Variants in UNC13C observed in about 807,000 individuals in gnomAD.
UNC13C encodes protein unc-13 homolog C.
In UNC13C, 174 loss-of-function variants were observed where a neutral mutation model predicts 245.4. The observed-to-expected ratio is 0.71, with a 90% confidence interval of 0.63 to 0.80. UNC13C has a LOEUF of 0.80. UNC13C is among the 30% of genes least tolerant of loss of function. UNC13C has a pLI of 0.00. For missense variants in UNC13C, 2,829 were observed against 2,602.9 expected, an observed-to-expected ratio of 1.09 and a Z score of -1.89; for synonymous variants, 992 against 895.1, an observed-to-expected ratio of 1.11 and a Z score of -1.93.
intron 18 of UNC13C, among the ~76,000 whole-genome samples, chr15:54,411,446 T>G (rs1168763433): frequency 6.6e-6 from 1 of 152,224 alleles, no homozygotes; most frequent in Non-Finnish European, 1.5e-5. Flanking sequence ...CTACTATGTT[T>G]TCTTTCAGAA....
chr15:54,606,096 G>A (rs1417263740), intron 30 of UNC13C, among the ~76,000 whole-genome samples: 1 of 152,134 alleles, frequency 6.6e-6, no homozygotes, highest in Non-Finnish European at 1.5e-5. Context: ...TTGGCTATTG[G>A]TTTGTTATTG....
chr15:54,015,377 G>C lies in UNC13C; in HGVS notation c.2474G>C (p.Ser825Thr), dbSNP rs141110614. The change falls in exon 2 of 33, where the codon AGT (serine) becomes ACT (threonine). Residue 825 changes from serine (S) to threonine (T), a missense_variant. By Grantham distance (58) the Ser-to-Thr change is moderately conservative. Transcript: ENST00000260323. Reference sequence around the variant, plus strand: ...CAGAGTCTGAGTGGGTATGAGGACAGTGGCTCTTCATTAATGGGGAGATTT... The same window carrying C: ...CAGAGTCTGAGTGGGTATGAGGACACTGGCTCTTCATTAATGGGGAGATTT... ...STQSLSGYED[S>T]GSSLMGRFRT... The C allele has an allele frequency of 2.9e-4, 462 of 1,613,842 alleles. 4 individuals carry two copies. In the African/African-American group the frequency reaches 5.3e-3, roughly 18 times the overall value.
intron 2 of UNC13C, among the ~76,000 whole-genome samples, chr15:54,066,606 C>T (rs1242192129): frequency 3.3e-5 from 5 of 152,124 alleles, no homozygotes; most frequent in Middle Eastern, 3.2e-3. Context: ...GAAATGGAGA[C>T]CCACTGAAGT....
intron 17 of UNC13C, among the ~76,000 whole-genome samples, chr15:54,340,382 T>A (rs1470185601): frequency 6.6e-6 from 1 of 152,228 alleles, no homozygotes; most frequent in Non-Finnish European, 1.5e-5. Flanking sequence ...AGAAGGGTTT[T>A]TCTGATGTTA....
chr15:54,455,203 C>CTATA (rs1325165940), intron 19 of UNC13C, among the ~76,000 whole-genome samples: 15 of 27,310 alleles, frequency 5.5e-4, no homozygotes, highest in Non-Finnish European at 7.5e-4. Flanking sequence ...CTCTCTCTCT[C>CTATA]TCTATATATA....
chr15:54,203,945 C>A (rs943848801), intron 4 of UNC13C, among the ~76,000 whole-genome samples: 1 of 143,174 alleles, frequency 7.0e-6, no homozygotes, highest in African/African-American at 2.5e-5. Flanking sequence ...CACACACACA[C>A]AATGGAATGC....
chr15:54,084,962 G>C (rs1242112985), intron 2 of UNC13C, among the ~76,000 whole-genome samples: 2 of 152,108 alleles, frequency 1.3e-5, no homozygotes, highest in African/African-American at 4.8e-5. Flanking sequence ...AAGTAGTTTT[G>C]ATATGTGGCA....
chr15:54,360,063 A>G (rs1329612522), intron 17 of UNC13C, among the ~76,000 whole-genome samples: 1 of 151,912 alleles, frequency 6.6e-6, no homozygotes, highest in Non-Finnish European at 1.5e-5. Context: ...TCATTGACCC[A>G]TTATTGTTCA....
At chr15:54,188,960 C>A (rs574409618) in intron 4 of UNC13C, among the ~76,000 whole-genome samples, 1 of 152,222 alleles carries the variant, frequency 6.6e-6, no homozygotes, top group East Asian at 1.9e-4. Context: ...CGTATGCTTA[C>A]ATAATACCGT....
At chr15:53,871,426 GTCT>G in the UNC13C span, among the ~76,000 whole-genome samples, 1 of 152,164 alleles carries the variant, frequency 6.6e-6, no homozygotes, top group East Asian at 1.9e-4. Context: ...CATCCTCCCA[GTCT>G]AAGCTGGCTG....
chr15:54,180,530 C>T (rs2033762748), intron 4 of UNC13C, among the ~76,000 whole-genome samples: 1 of 152,120 alleles, frequency 6.6e-6, no homozygotes, highest in South Asian at 2.1e-4. Context: ...AATGGCATTG[C>T]TGGGTCAAAT....
intron 22 of UNC13C, among the ~76,000 whole-genome samples, chr15:54,506,587 C>T (rs1894485906): frequency 6.6e-6 from 1 of 152,006 alleles, no homozygotes. Flanking sequence ...TTGTGATTTT[C>T]AAAGTGTGTA....
chr15:53,886,177 A>G, the UNC13C span, among the ~76,000 whole-genome samples: 4 of 152,180 alleles, frequency 2.6e-5, no homozygotes, highest in African/African-American at 9.7e-5. Flanking sequence ...CTTAGTACCA[A>G]CAAGCATACC....
chr15:54,449,228 T>G (rs1188881584), intron 19 of UNC13C, among the ~76,000 whole-genome samples: 1 of 152,144 alleles, frequency 6.6e-6, no homozygotes, highest in Non-Finnish European at 1.5e-5. Flanking sequence ...CATTTCAACT[T>G]TGGTGAATCT....
At chr15:54,605,660 G>C (rs781132196) in intron 30 of UNC13C, among the ~76,000 whole-genome samples, 11 of 152,174 alleles carry the variant, frequency 7.2e-5, no homozygotes, top group Admixed American at 3.9e-4. Context: ...TCCTAACCAA[G>C]TTTTAATGCT....
At chr15:54,030,506 T>C (rs1309330962) in intron 2 of UNC13C, among the ~76,000 whole-genome samples, 3 of 152,196 alleles carry the variant, frequency 2.0e-5, no homozygotes, top group South Asian at 2.1e-4. Flanking sequence ...TTAGTAGTAG[T>C]AGTAAATAAG....
the UNC13C span, among the ~76,000 whole-genome samples, chr15:53,929,541 A>T: frequency 6.6e-5 from 10 of 151,958 alleles, no homozygotes; most frequent in Non-Finnish European, 1.3e-4. Context: ...GAAATGTTTA[A>T]CATAGATCAG....
chr15:54,002,053 G>A (rs1376824269), intron 1 of UNC13C, among the ~76,000 whole-genome samples: 2 of 152,224 alleles, frequency 1.3e-5, no homozygotes, highest in Non-Finnish European at 1.5e-5. Flanking sequence ...TTGGGAGGCC[G>A]AGGCGGGTGG....
intron 2 of UNC13C, among the ~76,000 whole-genome samples, chr15:54,047,392 G>T (rs530493024): frequency 4.6e-5 from 7 of 151,836 alleles, no homozygotes; most frequent in African/African-American, 1.7e-4. Context: ...CTATGTACCC[G>T]TTAATCAATA....
Sources: gnomAD v4.1 joint callset for allele counts (sites outside exome capture counted in the v4.1 genomes callset) on GRCh38, gnomAD v4.1.1 for gene constraint, MANE v1.5 for transcripts, NCBI Gene and HGNC (gene_info 2026-07-23, HGNC 2026-07-21) for gene names.